The following GREB1L variants were observed in gnomAD, a reference collection of about 807,000 sequenced individuals.
GREB1L encodes the protein GREB1 like retinoic acid receptor coactivator, also known as GREB1-like protein.
In GREB1L, 17 loss-of-function variants were observed where a neutral mutation model predicts 200.8. The observed-to-expected ratio is 0.08, with a 90% CI of 0.06 to 0.13. The LOEUF (loss-of-function observed/expected upper bound fraction) is 0.13. GREB1L is among the 10% of genes least tolerant of loss of function. The pLI is 1.00. For synonymous variants in GREB1L, 789 were observed against 893.0 expected (o/e 0.88, Z 2.08); for missense variants, 1,657 against 2,367.7 (o/e 0.70, Z 6.23).
rs1328323868 is a variant in GREB1L at position 21,436,872 on chromosome 18, A to T, written c.833-2649A>T. 2.0e-5 allele frequency among the ~76,000 whole-genome samples: 3 copies of T among 151,816 alleles called. No homozygotes were observed. In the East Asian group the frequency reaches 5.9e-4, roughly 30 times the overall value. ...ACTATAGGCACATGCTGCCGTGCCCAGCTAATTTTTGCATTTTTTGTACAG... is the reference window on the plus strand; with the variant it reads ...ACTATAGGCACATGCTGCCGTGCCCTGCTAATTTTTGCATTTTTTGTACAG... On this transcript the variant is annotated intron_variant, in intron 7 of 32. Transcript: ENST00000424526.
intron 15 of GREB1L, among the ~76,000 whole-genome samples, chr18:21,467,251 C>T (rs575743892): frequency 6.6e-6 from 1 of 152,056 alleles, no homozygotes; most frequent in African/African-American, 2.4e-5. Flanking sequence ...CTGGACAATC[C>T]TCAAAATTCT....
chr18:21,320,890 A>G (rs2038941360), intron 1 of GREB1L, among the ~76,000 whole-genome samples: 1 of 152,220 alleles, frequency 6.6e-6, no homozygotes, highest in African/African-American at 2.4e-5. Flanking sequence ...TGAAATGACA[A>G]TGAAGAGTTC....
chr18:21,514,017 A>C lies in GREB1L; in HGVS notation c.4901+31A>C, dbSNP rs9950162. Reference sequence around the variant, plus strand: ...CTTCCAAGCTGGGGGCGTATGACACAATGCTATAGACAGGACAATACATTT... The same window carrying C: ...CTTCCAAGCTGGGGGCGTATGACACCATGCTATAGACAGGACAATACATTT... On this transcript the variant is annotated intron_variant, in intron 28 of 32. Transcript: ENST00000424526. 3,460 of 1,541,594 alleles carry C rather than the reference A, an allele frequency of 2.2e-3. 88 individuals carry two copies. In the African/African-American group the frequency reaches 0.042, roughly 19 times the overall value.
At chr18:21,423,480 ATAAT>A (rs758493362) in intron 7 of GREB1L, among the ~76,000 whole-genome samples, 2 of 152,184 alleles carry the variant, frequency 1.3e-5, no homozygotes, top group African/African-American at 2.4e-5. Flanking sequence ...TTTTTTGTAC[ATAAT>A]TCCTGTAAAA....
At chr18:21,395,067 T>G (rs1444522906) in intron 4 of GREB1L, among the ~76,000 whole-genome samples, 3 of 141,256 alleles carry the variant, frequency 2.1e-5, no homozygotes, top group African/African-American at 8.2e-5. Context: ...GATCCCACCA[T>G]TGCACTCCAG....
intron 1 of GREB1L, among the ~76,000 whole-genome samples, chr18:21,348,579 A>G (rs1389555067): frequency 6.6e-6 from 1 of 152,052 alleles, no homozygotes; most frequent in East Asian, 1.9e-4. Context: ...GTTCGAGACC[A>G]GCCTGGCCAA....
intron 1 of GREB1L, among the ~76,000 whole-genome samples, chr18:21,296,954 T>C (rs191499230): frequency 1.3e-5 from 2 of 152,256 alleles, no homozygotes; most frequent in African/African-American, 4.8e-5. Flanking sequence ...CATTCTGCTT[T>C]AATTGATCTA....
intron 7 of GREB1L, among the ~76,000 whole-genome samples, chr18:21,436,793 C>T (rs1333179391): frequency 6.6e-6 from 1 of 151,710 alleles, no homozygotes; most frequent in African/African-American, 2.4e-5. Flanking sequence ...TCACTGCAGC[C>T]TCAACCTCCC....
At chr18:21,387,177 G>A (rs1209600495) in intron 4 of GREB1L, among the ~76,000 whole-genome samples, 1 of 152,120 alleles carries the variant, frequency 6.6e-6, no homozygotes, top group African/African-American at 2.4e-5. Context: ...CAAATTTTAG[G>A]CCTCCAAATA....
intron 15 of GREB1L, among the ~76,000 whole-genome samples, chr18:21,460,143 G>A (rs2034978140): frequency 1.3e-5 from 2 of 151,994 alleles, no homozygotes; most frequent in African/African-American, 2.4e-5. Context: ...CTAAATTCTT[G>A]TTTTGTTTTG....
chr18:21,394,565 A>G (rs2040963142), intron 4 of GREB1L, among the ~76,000 whole-genome samples: 1 of 152,196 alleles, frequency 6.6e-6, no homozygotes, highest in Non-Finnish European at 1.5e-5. Context: ...GTGGTTATGT[A>G]AGATTTTGTC....
chr18:21,481,194 CAG>C (rs1257522935), intron 17 of GREB1L, among the ~76,000 whole-genome samples: 1 of 151,794 alleles, frequency 6.6e-6, no homozygotes, highest in African/African-American at 2.4e-5. Context: ...AAAGAGAGAA[CAG>C]GGGATGGCCC....
intron 15 of GREB1L, among the ~76,000 whole-genome samples, chr18:21,462,469 A>T (rs1287031613): frequency 1.3e-5 from 2 of 152,172 alleles, no homozygotes; most frequent in Non-Finnish European, 2.9e-5. Context: ...TTCATTTTTG[A>T]GGTGGAGTCT....
At chr18:21,296,843 C>T (rs1429493930) in intron 1 of GREB1L, among the ~76,000 whole-genome samples, 15 of 152,068 alleles carry the variant, frequency 9.9e-5, no homozygotes, top group Middle Eastern at 3.4e-3. Context: ...TTAGTAGAGA[C>T]GGGGTTTCAC....
chr18:21,415,251 C>T (rs529839455), intron 7 of GREB1L, among the ~76,000 whole-genome samples: 1 of 152,176 alleles, frequency 6.6e-6, no homozygotes, highest in Non-Finnish European at 1.5e-5. Flanking sequence ...CGTGGTGGCT[C>T]ACATCTGTAA....
chr18:21,310,169 C>G (rs1489505270), intron 1 of GREB1L, among the ~76,000 whole-genome samples: 1 of 152,168 alleles, frequency 6.6e-6, no homozygotes, highest in Non-Finnish European at 1.5e-5. Context: ...AAATCTAGAC[C>G]ATGTATCCTG....
At chr18:21,248,188 G>A (rs1489529657) in intron 1 of GREB1L, among the ~76,000 whole-genome samples, 1 of 152,120 alleles carries the variant, frequency 6.6e-6, no homozygotes, top group Non-Finnish European at 1.5e-5. Context: ...GAGTTGTGAA[G>A]CAAGACACTT....
At chr18:21,411,449 G>T (rs940967402) in intron 7 of GREB1L, among the ~76,000 whole-genome samples, 1 of 151,656 alleles carries the variant, frequency 6.6e-6, no homozygotes, top group African/African-American at 2.4e-5. Context: ...CTCATGATCC[G>T]CCTGCCTCGG....
chr18:21,344,293 C>T (rs1174929417), intron 1 of GREB1L, among the ~76,000 whole-genome samples: 1 of 152,038 alleles, frequency 6.6e-6, no homozygotes, highest in Non-Finnish European at 1.5e-5. Flanking sequence ...CCCAGCTATT[C>T]GTGAGGCTGA....
Sources: gnomAD v4.1 joint callset for allele counts (sites outside exome capture counted in the v4.1 genomes callset) on GRCh38, gnomAD v4.1.1 for gene constraint, MANE v1.5 for transcripts, NCBI Gene and HGNC (gene_info 2026-07-23, HGNC 2026-07-21) for gene names.